The following PDE4D variants were observed in gnomAD, a reference collection of about 807,000 sequenced individuals.
PDE4D encodes the protein 3',5'-cyclic-AMP phosphodiesterase 4D.
PDE4D carries 24 observed loss-of-function variants against 87.4 expected under a neutral mutation model. The observed-to-expected ratio is 0.27, with a 90% CI of 0.20 to 0.39. The LOEUF (loss-of-function observed/expected upper bound fraction) is 0.39. PDE4D is among the 10% of genes least tolerant of loss of function. The pLI is 1.00. For synonymous variants in PDE4D, 384 were observed against 383.2 expected, an observed-to-expected ratio of 1.00 and a Z score of -0.02; for missense variants, 714 against 1,041.0, an observed-to-expected ratio of 0.69 and a Z score of 4.32.
Position 59,396,291 on chromosome 5 carries a change from A to G in PDE4D, c.456-180323T>C, listed in dbSNP as rs1789402600. On this transcript the variant is annotated intron_variant, in intron 1 of 14. Transcript: ENST00000340635. ...AAGACACATAATTGTCAGATTCACC[A>G]AAGTTGAAATGAAGGAAAAAATGTT... Among the ~76,000 whole-genome samples the G allele has an allele frequency of 2.9e-5, 3 of 104,438 alleles. No individual in the cohort carries two copies. The South Asian group carries it at 1.0e-3, about 36-fold the overall frequency. 68.5% of individuals were successfully genotyped at this position (104,438 alleles called of 152,430 possible).
At chr5:59,395,302 G>T (rs1789166757) in intron 1 of PDE4D, among the ~76,000 whole-genome samples, 3 of 152,208 alleles carry the variant, frequency 2.0e-5, no homozygotes, top group Admixed American at 2.0e-4. Context: ...CAAACAAAAA[G>T]ACAGCAGTAA....
chr5:59,159,129 TA>T (rs371943966), intron 5 of PDE4D, among the ~76,000 whole-genome samples: 56,550 of 151,906 alleles, frequency 0.37, 11,198 homozygotes, highest in Middle Eastern at 0.46. Context: ...TCTGAATTCT[TA>T]CGATACTCTG....
At chr5:59,813,262 G>A (rs1768570994) in intron 1 of PDE4D, among the ~76,000 whole-genome samples, 2 of 152,124 alleles carry the variant, frequency 1.3e-5, no homozygotes, top group South Asian at 2.1e-4. Context: ...CTACATGAAT[G>A]CCACCAATAA....
intron 1 of PDE4D, among the ~76,000 whole-genome samples, chr5:59,769,886 T>C (rs1238310091): frequency 6.6e-6 from 1 of 152,140 alleles, no homozygotes; most frequent in Non-Finnish European, 1.5e-5. Context: ...TTTCCTATGA[T>C]TACTATTAGG....
intron 1 of PDE4D, among the ~76,000 whole-genome samples, chr5:59,734,990 C>T (rs1419617462): frequency 1.3e-5 from 2 of 152,148 alleles, no homozygotes; most frequent in East Asian, 3.9e-4. Flanking sequence ...TTATAAAACC[C>T]CTTGAACCCT....
At chr5:60,083,396 C>A (rs941880922) in intron 2 of PDE4D, among the ~76,000 whole-genome samples, 3 of 152,126 alleles carry the variant, frequency 2.0e-5, no homozygotes, top group African/African-American at 7.2e-5. Context: ...ATAGGTTAGG[C>A]TGTAGCAAAA....
At chr5:59,886,694 A>G (rs1051242076) in intron 1 of PDE4D, among the ~76,000 whole-genome samples, 1 of 152,044 alleles carries the variant, frequency 6.6e-6, no homozygotes, top group South Asian at 2.1e-4. Context: ...CAGCCTCAGC[A>G]AGAAAGAGAG....
chr5:60,467,741 G>A (rs983611359), intron 1 of PDE4D, among the ~76,000 whole-genome samples: 1 of 152,138 alleles, frequency 6.6e-6, no homozygotes, highest in Non-Finnish European at 1.5e-5. Flanking sequence ...GCATGACTTG[G>A]GGGTCTCAGG....
chr5:60,400,521 C>CA (rs56750243), intron 1 of PDE4D, among the ~76,000 whole-genome samples: 22,182 of 61,090 alleles, frequency 0.36, 4,418 homozygotes, highest in Non-Finnish European at 0.44. Context: ...GACTCCATCT[C>CA]AAAAAAAAAA....
intron 2 of PDE4D, among the ~76,000 whole-genome samples, chr5:60,065,885 C>A (rs1220306327): frequency 6.6e-6 from 1 of 152,146 alleles, no homozygotes. Context: ...AATAGTGCAG[C>A]TATAAACATA....
At chr5:59,961,018 T>A (rs930112044) in intron 3 of PDE4D, among the ~76,000 whole-genome samples, 5 of 152,188 alleles carry the variant, frequency 3.3e-5, no homozygotes, top group Admixed American at 2.0e-4. Flanking sequence ...TATTTAGCAC[T>A]TACTACATTC....
chr5:59,200,049 A>G (rs1746520881), intron 2 of PDE4D, among the ~76,000 whole-genome samples: 1 of 104,518 alleles, frequency 9.6e-6, no homozygotes, highest in Non-Finnish European at 2.2e-5. Flanking sequence ...ACACGTATGT[A>G]CACACATGCA....
In PDE4D at chr5:59,345,756, G is replaced by A. The variant is rs1484050292; in HGVS notation, c.456-129788C>T. 6.6e-5 allele frequency among the ~76,000 whole-genome samples: 10 copies of A among 152,132 alleles called. 1 individual carries two copies. The South Asian group carries it at 1.2e-3, about 19-fold the overall frequency. On this transcript the variant is annotated intron_variant, in intron 1 of 14. Coordinates refer to ENST00000340635, the MANE Select transcript of PDE4D (RefSeq NM_001104631.2). Reference sequence around the variant, plus strand: ...AGAACTGAAACATCACTTTGGGGGCGACATAAATGTGGCAACCAGTATAGA... The same window carrying A: ...AGAACTGAAACATCACTTTGGGGGCAACATAAATGTGGCAACCAGTATAGA...
chr5:60,135,174 G>A (rs552210383), intron 2 of PDE4D, among the ~76,000 whole-genome samples: 5 of 152,106 alleles, frequency 3.3e-5, no homozygotes, highest in Non-Finnish European at 4.4e-5. Context: ...GAGACCCTTC[G>A]CCCCTTTAAC....
At chr5:59,273,370 CAT>C (rs1411803795) in intron 1 of PDE4D, among the ~76,000 whole-genome samples, 1 of 151,862 alleles carries the variant, frequency 6.6e-6, no homozygotes, top group Non-Finnish European at 1.5e-5. Context: ...TACACACAAA[CAT>C]ATATTTTCTC....
intron 1 of PDE4D, among the ~76,000 whole-genome samples, chr5:60,284,161 C>T (rs1005158276): frequency 1.3e-5 from 2 of 152,158 alleles, no homozygotes; most frequent in African/African-American, 4.8e-5. Context: ...ATTATTTTTA[C>T]ACCTATTTAG....
At chr5:59,768,252 A>G (rs754385463) in intron 1 of PDE4D, 4 of 1,598,098 alleles carry the variant, frequency 2.5e-6, no homozygotes, top group Non-Finnish European at 3.4e-6. Flanking sequence ...CTTACCATGT[A>G]TGTGCCACCG....
At chr5:59,184,042 T>A (rs1319422125) in intron 4 of PDE4D, among the ~76,000 whole-genome samples, 2 of 152,132 alleles carry the variant, frequency 1.3e-5, no homozygotes, top group Non-Finnish European at 1.5e-5. Flanking sequence ...CTTGTGGGTG[T>A]GTGTCTATGT....
intron 1 of PDE4D, among the ~76,000 whole-genome samples, chr5:60,231,021 T>C (rs1331269795): frequency 1.3e-5 from 2 of 152,020 alleles, no homozygotes; most frequent in Non-Finnish European, 2.9e-5. Context: ...AGGTAGAAGT[T>C]TGTTACAGAG....
Sources: allele counts gnomAD v4.1 joint callset (sites outside exome capture counted in the v4.1 genomes callset), GRCh38; gene constraint gnomAD v4.1.1; transcripts MANE v1.5; gene names NCBI Gene and HGNC (gene_info 2026-07-23, HGNC 2026-07-21).